SYPL2: variants seen among roughly 807,000 people sequenced by gnomAD.
SYPL2 encodes the protein synaptophysin like 2.
SYPL2 carries 24 observed loss-of-function variants against 31.3 expected under a neutral mutation model. The ratio of observed to expected loss-of-function variants is 0.77; its 90% CI spans 0.56 to 1.08. The LOEUF (loss-of-function observed/expected upper bound fraction) is 1.08. Ranked by LOEUF, SYPL2 falls within the 50% of genes least tolerant of loss-of-function variation. SYPL2 has a pLI of 0.00. For missense variants in SYPL2, 342 were observed against 360.1 expected (o/e 0.95, Z 0.41); for synonymous variants, 144 against 143.1 (o/e 1.01, Z -0.05).
At position 109,476,748 on chromosome 1, in the gene SYPL2, T is replaced by A. The variant is rs769440536; in HGVS notation, c.255-28T>A. 3.9e-5 allele frequency: 62 copies of A among 1,610,216 alleles called. 2 individuals are homozygous for A. The South Asian group carries it at 6.1e-4, about 16-fold the overall frequency. ...CAGGGAGAGAGAGGATTGCCTGAGC[T>A]CAGGATGGCCTCCCCTGCCACCTGC... On this transcript the variant is annotated intron_variant, in intron 3 of 5. Coordinates refer to ENST00000369872, the MANE Select transcript of SYPL2 (RefSeq NM_001040709.2).
chr1:109,477,107 C>T lies in SYPL2; in HGVS notation c.456+130C>T, dbSNP rs1656024923. ...ATGGTGGAACCTCTGCCTCCATCAACCTCCCGTTGCTTGCTCCTGTTCACA... is the reference window on the plus strand; with the variant it reads ...ATGGTGGAACCTCTGCCTCCATCAATCTCCCGTTGCTTGCTCCTGTTCACA... On this transcript the variant is annotated intron_variant, in intron 4 of 5. Transcript: ENST00000369872. The T allele has an allele frequency of 4.6e-6, 5 of 1,079,478 alleles. No homozygotes were observed. The Admixed American group carries it at 1.1e-4, about 23-fold the overall frequency. The allele number at this position is 1,079,478 out of a possible 1,614,324, so 66.9% of individuals were successfully genotyped here. A position where few individuals can be genotyped will look rare whatever the true frequency, so the allele number is the denominator to read the frequency against.
At chr1:109,477,719 C>T (rs57128261) in intron 4 of SYPL2, 99 bp from the exon 5 acceptor site, 86,753 of 1,508,854 alleles carry the variant, frequency 0.057, 3,020 homozygotes, top group African/African-American at 0.11. Flanking sequence ...GGCAACTGTC[C>T]TGGCACCCTG....
At chr1:109,474,318 C>CTTTT (rs1291997353) in intron 2 of SYPL2, among the ~76,000 whole-genome samples, 7 of 119,448 alleles carry the variant, frequency 5.9e-5, no homozygotes, top group African/African-American at 2.3e-4. Context: ...CTTTTCTTTT[C>CTTTT]TTTTCTTTTT....
At chr1:109,467,200 G>A (rs1233066974) in intron 2 of SYPL2, 67 bp downstream of exon 2, 1 of 1,412,716 alleles carries the variant, frequency 7.1e-7, no homozygotes. Flanking sequence ...TGAAGCAATG[G>A]AGCCAGGGTG....
intron 5 of SYPL2, 41 bp from the exon 6 acceptor site, chr1:109,479,337 C>T: frequency 6.2e-7 from 1 of 1,605,660 alleles, no homozygotes; most frequent in Non-Finnish European, 8.5e-7. Context: ...CCCACAATGA[C>T]CCCCTGACTA....
chr1:109,468,372 A>G (rs990452499), intron 2 of SYPL2, among the ~76,000 whole-genome samples: 1 of 152,198 alleles, frequency 6.6e-6, no homozygotes, highest in Non-Finnish European at 1.5e-5. Context: ...AGAATAATCA[A>G]ATCTGGAACC....
At chr1:109,479,303 C>T (rs1656094368) in intron 5 of SYPL2, 75 bp from the exon 6 acceptor site, 3 of 1,535,822 alleles carry the variant, frequency 2.0e-6, no homozygotes, top group Non-Finnish European at 2.7e-6. Context: ...ACCCCAACTG[C>T]AATAGGAACT....
chr1:109,475,575 T>C lies in SYPL2; in HGVS notation c.130-6T>C. 1 of 1,613,950 alleles carries C rather than the reference T, an allele frequency of 6.2e-7. No homozygotes were observed. On this transcript the variant is annotated splice_region_variant and splice_polypyrimidine_tract_variant and intron_variant, in intron 2 of 5. Coordinates refer to ENST00000369872, the MANE Select transcript of SYPL2 (RefSeq NM_001040709.2). Reference sequence around the variant, plus strand: ...TGACTCTCAAAGAGGCTTCACTCTCTCTCAGCTCTTTGCTATTTTCGCCTT... The same window carrying C: ...TGACTCTCAAAGAGGCTTCACTCTCCCTCAGCTCTTTGCTATTTTCGCCTT...
In SYPL2 at chr1:109,479,658, G is replaced by A; in HGVS notation, c.*110G>A. On this transcript the variant is annotated 3_prime_UTR_variant, in exon 6 of 6. Coordinates refer to ENST00000369872, the MANE Select transcript of SYPL2 (RefSeq NM_001040709.2). Reference sequence around the variant, plus strand: ...CCAATTCCCCTCCCCCATCATTCTGGTCTTTGAGCTTTGAGACGATGGGCA... The same window carrying A: ...CCAATTCCCCTCCCCCATCATTCTGATCTTTGAGCTTTGAGACGATGGGCA... 9.4e-6 allele frequency: 14 copies of A among 1,493,452 alleles called. No homozygotes were observed. The South Asian group carries it at 1.2e-4, about 13-fold the overall frequency. 92.5% of individuals were successfully genotyped at this position (1,493,452 alleles called of 1,614,324 possible).
At chr1:109,479,270 G>A (rs1656092996) in intron 5 of SYPL2, 108 bp from the exon 6 acceptor site, 2 of 1,252,086 alleles carry the variant, frequency 1.6e-6, no homozygotes, top group African/African-American at 1.5e-5. Context: ...AGTCCTCTGT[G>A]CTTCTTCCCT....
intron 1 of SYPL2, 39 bp downstream of exon 1, chr1:109,466,936 C>T: frequency 2.0e-6 from 3 of 1,532,976 alleles, no homozygotes; most frequent in Non-Finnish European, 2.6e-6. Flanking sequence ...CCGCCCCTCT[C>T]CACCTAGATG....
intron 2 of SYPL2, among the ~76,000 whole-genome samples, chr1:109,475,019 T>C (rs1488574277): frequency 6.6e-6 from 1 of 152,218 alleles, no homozygotes; most frequent in African/African-American, 2.4e-5. Flanking sequence ...CTGGGGTGGC[T>C]TGGTAGAAGC....
At position 109,476,917 on chromosome 1, in the gene SYPL2, C is replaced by T. The variant is rs1656017620; in HGVS notation, c.396C>T (p.Ala132=). ...GIFSFFYTMA[A]LVIYLRFHNL... is the part of the protein sequence containing the mutation. ...TTTCCTTCTTCTATACCATGGCTGC[C>T]CTAGTTATCTACCTGCGCTTCCACA... is the stretch of plus-strand genomic sequence containing the variant. Residue 132 remains alanine (A), a synonymous_variant, in exon 4 of 6, where the codon GCC becomes GCT. Transcript: ENST00000369872. The T allele has an allele frequency of 6.2e-7, 1 of 1,614,120 alleles. No individual in the cohort carries two copies. The highest frequency in any genetic ancestry group is 1.1e-5 in the South Asian group (1 of 91,088).
At chr1:109,469,827 CAAAAAAAAAA>C (rs10533137) in intron 2 of SYPL2, among the ~76,000 whole-genome samples, 1 of 79,192 alleles carries the variant, frequency 1.3e-5, no homozygotes. Context: ...GACCTTGTCT[CAAAAAAAAAA>C]AAAAAAAAAA....
intron 2 of SYPL2, among the ~76,000 whole-genome samples, chr1:109,474,318 C>CTT (rs1291997353): frequency 1.9e-4 from 23 of 119,440 alleles, no homozygotes; most frequent in African/African-American, 6.8e-4. Flanking sequence ...CTTTTCTTTT[C>CTT]TTTTCTTTTT....
chr1:109,477,608 G>A (rs1656040286), intron 4 of SYPL2, among the ~76,000 whole-genome samples: 1 of 152,280 alleles, frequency 6.6e-6, no homozygotes, highest in Non-Finnish European at 1.5e-5. Context: ...TTAGATCTGA[G>A]GGCATTAGCA....
At chr1:109,476,665 C>T in intron 3 of SYPL2, 111 bp from the exon 4 acceptor site, 1 of 1,101,998 alleles carries the variant, frequency 9.1e-7, no homozygotes, top group East Asian at 2.6e-5. Flanking sequence ...TTACATGACC[C>T]CTTTCTTGGC....
chr1:109,475,449 CT>C (rs1655965136), intron 2 of SYPL2, 131 bp from the exon 3 acceptor site: 1 of 1,293,536 alleles, frequency 7.7e-7, no homozygotes, highest in South Asian at 1.6e-5. Context: ...CTAGGAAGAA[CT>C]TGATTAAAGG....
In SYPL2 at chr1:109,479,445, G is replaced by A. The variant is rs779018286; in HGVS notation, c.716G>A (p.Trp239Ter). 11 of 1,614,072 alleles carry A rather than the reference G, an allele frequency of 6.8e-6. No individual in the cohort carries two copies. The East Asian group carries it at 2.5e-4, about 36-fold the overall frequency. ...NCWFVFKETPWHGQGQGQDQD... is the reference protein window; with the variant it reads ...NCWFVFKETP ...TGGTTTGTGTTCAAGGAGACCCCGT[G>A]GCATGGACAGGGCCAGGGCCAGGAC... Residue 239 changes from tryptophan to a stop codon, truncating the protein, a stop_gained, in exon 6 of 6, where the codon TGG becomes TAG. Transcript: ENST00000369872. LOFTEE classifies it high-confidence loss of function.
Sources: gnomAD v4.1 joint callset for allele counts (sites outside exome capture counted in the v4.1 genomes callset) on GRCh38, gnomAD v4.1.1 for gene constraint, MANE v1.5 for transcripts, NCBI Gene and HGNC (gene_info 2026-07-23, HGNC 2026-07-21) for gene names.